TCF4: variants seen among roughly 807,000 people sequenced by gnomAD.
TCF4 encodes the protein transcription factor 4, also known as SL3-3 enhancer factor 2.
A neutral mutation model predicts 82.1 loss-of-function variants in TCF4; 3 were observed. That is an observed-to-expected ratio of 0.04 (90% confidence interval 0.02 to 0.09). The LOEUF is 0.09. TCF4 is among the 10% of genes least tolerant of loss of function. The probability of loss-of-function intolerance (pLI) is 1.00; values close to 1 mark genes in which losing one functional copy is unlikely to be tolerated. For synonymous variants in TCF4, 276 were observed against 309.6 expected (o/e 0.89, Z 1.14); for missense variants, 518 against 852.7 (o/e 0.61, Z 4.89).
intron 6 of TCF4, among the ~76,000 whole-genome samples, chr18:55,361,208 T>A (rs938274171): frequency 6.6e-6 from 1 of 152,072 alleles, no homozygotes; most frequent in Non-Finnish European, 1.5e-5. Context: ...CCAGAGCTGC[T>A]CCTGTTCCTT....
At position 55,253,279 on chromosome 18, in the gene TCF4, T is replaced by C. The variant is rs10460153; in HGVS notation, c.1350+1218A>G. On this transcript the variant is annotated intron_variant, in intron 15 of 19. Transcript: ENST00000354452. ...TAAAAGAACCTCATAATAATTTGTA[T>C]GTATTTTGCATTTCCTTTTGGGACC... is the stretch of plus-strand genomic sequence containing the variant. Among the ~76,000 whole-genome samples, 61 of 152,322 alleles carry C rather than the reference T, an allele frequency of 4.0e-4. No homozygotes were observed. The East Asian group carries it at 4.0e-3, about 10-fold the overall frequency.
At chr18:55,467,766 C>G (rs533833579) in intron 3 of TCF4, among the ~76,000 whole-genome samples, 1 of 152,308 alleles carries the variant, frequency 6.6e-6, no homozygotes, top group East Asian at 1.9e-4. Flanking sequence ...TTTTATACCA[C>G]CATGTTTTTG....
At chr18:55,253,620 G>A (rs1158531485) in intron 15 of TCF4, among the ~76,000 whole-genome samples, 2 of 152,064 alleles carry the variant, frequency 1.3e-5, no homozygotes, top group Non-Finnish European at 2.9e-5. Flanking sequence ...GGACAAATCT[G>A]CTTAAATATA....
chr18:55,265,122 G>A (rs1315099207), intron 11 of TCF4: 1 of 152,106 alleles, frequency 6.6e-6, no homozygotes, highest in Non-Finnish European at 1.5e-5. Flanking sequence ...GGTGCCTTGG[G>A]ATCAACTACT....
intron 6 of TCF4, among the ~76,000 whole-genome samples, chr18:55,402,479 C>T (rs1332026874): frequency 6.6e-6 from 1 of 151,768 alleles, no homozygotes; most frequent in East Asian, 1.9e-4. Context: ...GAGTAAGCAT[C>T]CCCTTTCCAG....
intron 3 of TCF4, among the ~76,000 whole-genome samples, chr18:55,526,671 C>T (rs2096987992): frequency 6.6e-6 from 1 of 152,126 alleles, no homozygotes; most frequent in South Asian, 2.1e-4. Flanking sequence ...ATCCTTGCAG[C>T]AATCCTGAGA....
intron 6 of TCF4, among the ~76,000 whole-genome samples, chr18:55,379,444 G>A (rs557522991): frequency 1.3e-5 from 2 of 152,144 alleles, no homozygotes; most frequent in South Asian, 4.1e-4. Context: ...TAGCAGAGAT[G>A]CAGCAGCTCC....
chr18:55,276,606 T>C (rs2061538490), intron 9 of TCF4, among the ~76,000 whole-genome samples: 1 of 152,186 alleles, frequency 6.6e-6, no homozygotes. Context: ...AATGTTTAGG[T>C]TTGGTTTCCC....
intron 3 of TCF4, among the ~76,000 whole-genome samples, chr18:55,466,727 A>G (rs1201707559): frequency 6.6e-6 from 1 of 152,192 alleles, no homozygotes; most frequent in East Asian, 1.9e-4. Context: ...CTGTCCACAG[A>G]AAAAAGGAAA....
chr18:55,411,306 A>T (rs2094335420), intron 5 of TCF4, among the ~76,000 whole-genome samples: 1 of 152,220 alleles, frequency 6.6e-6, no homozygotes, highest in Admixed American at 6.5e-5. Flanking sequence ...TGTGAATAAC[A>T]TCTTCACAGT....
chr18:55,560,026 A>C (rs2097341308), intron 3 of TCF4, among the ~76,000 whole-genome samples: 1 of 152,208 alleles, frequency 6.6e-6, no homozygotes, highest in South Asian at 2.1e-4. Flanking sequence ...AAATTTCCCC[A>C]CTGAATATTA....
chr18:55,554,921 C>T (rs1249216408), intron 3 of TCF4, among the ~76,000 whole-genome samples: 3 of 152,166 alleles, frequency 2.0e-5, no homozygotes, highest in Admixed American at 6.6e-5. Flanking sequence ...AATACAAAAA[C>T]ATGAGTGACA....
intron 8 of TCF4, among the ~76,000 whole-genome samples, chr18:55,328,943 C>G (rs79074832): frequency 0.018 from 2,803 of 152,200 alleles, 113 homozygotes; most frequent in South Asian, 0.16. Context: ...CCTGAGGTTT[C>G]TAACTGTTGA....
chr18:55,279,761 T>C, intron 8 of TCF4, 105 bp from the exon 9 acceptor site: 1 of 1,541,140 alleles, frequency 6.5e-7, no homozygotes, highest in Non-Finnish European at 8.8e-7. Context: ...TTTCTACCCT[T>C]TCCAGTTTAA....
intron 3 of TCF4, among the ~76,000 whole-genome samples, chr18:55,491,275 G>A (rs149536402): frequency 2.2e-4 from 33 of 152,184 alleles, no homozygotes; most frequent in East Asian, 1.2e-3. Context: ...TCATGGGGGC[G>A]GGACGGCGGT....
At chr18:55,256,899 C>T (rs763170079) in intron 14 of TCF4, among the ~76,000 whole-genome samples, 1 of 152,102 alleles carries the variant, frequency 6.6e-6, no homozygotes, top group South Asian at 2.1e-4. Flanking sequence ...TGGGTTTCTA[C>T]GAGAAGGAAA....
At chr18:55,615,486 ACTC>A (rs138456246) in intron 2 of TCF4, among the ~76,000 whole-genome samples, 1,691 of 151,606 alleles carry the variant, frequency 0.011, 33 homozygotes, top group African/African-American at 0.039. Context: ...AAACAATTCT[ACTC>A]CTTCATTTCC....
At chr18:55,365,707 C>G (rs1441507633) in intron 6 of TCF4, among the ~76,000 whole-genome samples, 1 of 152,082 alleles carries the variant, frequency 6.6e-6, no homozygotes, top group African/African-American at 2.4e-5. Flanking sequence ...CAAGACCAGC[C>G]TGGCCAACAT....
intron 3 of TCF4, among the ~76,000 whole-genome samples, chr18:55,514,357 T>C (rs933877676): frequency 6.6e-6 from 1 of 151,184 alleles, no homozygotes; most frequent in African/African-American, 2.4e-5. Flanking sequence ...TATTATGCAT[T>C]CATGCATGCA....
Sources: allele counts gnomAD v4.1 joint callset (sites outside exome capture counted in the v4.1 genomes callset), GRCh38; gene constraint gnomAD v4.1.1; transcripts MANE v1.5; gene names NCBI Gene and HGNC (gene_info 2026-07-23, HGNC 2026-07-21).